ZNF652: variants seen among roughly 807,000 people sequenced by gnomAD.
ZNF652 encodes zinc finger protein 652.
A neutral mutation model predicts 45.2 loss-of-function variants in ZNF652; 16 were observed. The ratio of observed to expected loss-of-function variants is 0.35; its 90% CI spans 0.24 to 0.54. ZNF652 has a LOEUF of 0.54. Among genes scored for constraint, ZNF652 ranks in the 20% least tolerant of loss-of-function variants. The pLI is 0.91. For synonymous variants in ZNF652, 250 were observed against 260.6 expected, an observed-to-expected ratio of 0.96 and a Z score of 0.39; for missense variants, 614 against 765.6, an observed-to-expected ratio of 0.80 and a Z score of 2.34.
At position 49,317,609 on chromosome 17, in the gene ZNF652, A is replaced by G. The variant is rs755222886; in HGVS notation, c.117T>C (p.Gly39=). The G allele has an allele frequency of 6.2e-7, 1 of 1,614,092 alleles. No individual in the cohort carries two copies. Among genetic ancestry groups the G allele is most frequent in the Admixed American group, 1.7e-5 (1 of 60,008 alleles). ...TGGACAGGTCAAGTTCTTGGTTGGCACCATGATAAAAGGAAGATGGCACTT... is the reference window on the plus strand; with the variant it reads ...TGGACAGGTCAAGTTCTTGGTTGGCGCCATGATAAAAGGAAGATGGCACTT... ...RGQVPSSFYH[G]ANQELDLSTK... The change falls in exon 2 of 6, where the codon GGT becomes GGC. Residue 39 remains glycine (G), a synonymous_variant. Transcript: ENST00000430262.
chr17:49,311,201 T>A, intron 5 of ZNF652, 111 bp downstream of exon 5: 1 of 1,195,284 alleles, frequency 8.4e-7, no homozygotes, highest in Non-Finnish European at 1.2e-6. Flanking sequence ...AAAGTGGGAT[T>A]TTTGCTTTGA....
chr17:49,339,088 G>C (rs1220438387), intron 1 of ZNF652, among the ~76,000 whole-genome samples: 1 of 152,108 alleles, frequency 6.6e-6, no homozygotes, highest in Non-Finnish European at 1.5e-5. Context: ...CTAGCTGTGG[G>C]TGATACTTAA....
At chr17:49,304,958 T>C (rs974336877) in intron 5 of ZNF652, among the ~76,000 whole-genome samples, 7 of 152,064 alleles carry the variant, frequency 4.6e-5, no homozygotes, top group African/African-American at 7.2e-5. Flanking sequence ...CTGAAATCTT[T>C]CTTGAACTTT....
At chr17:49,355,860 T>C (rs61286260) in intron 1 of ZNF652, among the ~76,000 whole-genome samples, 16,310 of 151,928 alleles carry the variant, frequency 0.11, 1,199 homozygotes, top group African/African-American at 0.2. Context: ...ATTGCACCAT[T>C]TGTACTGAAG....
intron 1 of ZNF652, among the ~76,000 whole-genome samples, chr17:49,347,920 T>A (rs1015995957): frequency 6.6e-6 from 1 of 151,822 alleles, no homozygotes; most frequent in African/African-American, 2.4e-5. Flanking sequence ...AAGTTTTGTA[T>A]TTTTTGTAGA....
intron 5 of ZNF652, among the ~76,000 whole-genome samples, 167 bp from the exon 6 acceptor site, chr17:49,299,091 C>T (rs1235097289): frequency 1.3e-5 from 2 of 151,896 alleles, no homozygotes; most frequent in Non-Finnish European, 2.9e-5. Flanking sequence ...GCTGCGATTA[C>T]AGGTGTGAGC....
intron 1 of ZNF652, among the ~76,000 whole-genome samples, chr17:49,323,104 G>A (rs979413067): frequency 6.6e-6 from 1 of 152,188 alleles, no homozygotes; most frequent in Non-Finnish European, 1.5e-5. Flanking sequence ...AGATTTCTCT[G>A]TAGGATGTGA....
intron 1 of ZNF652, among the ~76,000 whole-genome samples, chr17:49,357,946 C>A (rs2070354830): frequency 6.6e-6 from 1 of 152,178 alleles, no homozygotes; most frequent in East Asian, 1.9e-4. Flanking sequence ...CCCAAATCTG[C>A]ACAAATGAAA....
chr17:49,301,183 C>T (rs1225313171), intron 5 of ZNF652, among the ~76,000 whole-genome samples: 1 of 152,172 alleles, frequency 6.6e-6, no homozygotes, highest in African/African-American at 2.4e-5. Flanking sequence ...ACTGACATCC[C>T]CTATGGCCTC....
chr17:49,310,934 G>GA (rs2069702350), intron 5 of ZNF652, among the ~76,000 whole-genome samples: 1 of 151,978 alleles, frequency 6.6e-6, no homozygotes, highest in African/African-American at 2.4e-5. Flanking sequence ...CAGAGAGAGA[G>GA]GGGTATTCTA....
chr17:49,333,510 C>T (rs1482052531), intron 1 of ZNF652, among the ~76,000 whole-genome samples: 2 of 135,468 alleles, frequency 1.5e-5, no homozygotes, highest in African/African-American at 2.7e-5. Flanking sequence ...GAGATCGAGA[C>T]CATCCTGGCT....
At chr17:49,331,113 G>A (rs12937923) in intron 1 of ZNF652, among the ~76,000 whole-genome samples, 91,543 of 139,600 alleles carry the variant, frequency 0.66, 30,345 homozygotes, top group Non-Finnish European at 0.7. Flanking sequence ...AAGGGCTTAT[G>A]AATGTGTCTT....
chr17:49,344,690 T>G (rs1208972855), intron 1 of ZNF652, among the ~76,000 whole-genome samples: 2 of 151,792 alleles, frequency 1.3e-5, no homozygotes, highest in East Asian at 3.9e-4. Flanking sequence ...CTGGCTGATG[T>G]TTTGTATTTT....
intron 1 of ZNF652, among the ~76,000 whole-genome samples, chr17:49,350,687 T>C (rs2070261403): frequency 6.6e-6 from 1 of 151,344 alleles, no homozygotes; most frequent in Non-Finnish European, 1.5e-5. Flanking sequence ...TTTTAAAAAA[T>C]GGCTGGGTGC....
intron 1 of ZNF652, among the ~76,000 whole-genome samples, chr17:49,343,734 G>A (rs1362764485): frequency 1.3e-5 from 2 of 151,488 alleles, no homozygotes; most frequent in African/African-American, 4.9e-5. Context: ...CGAGCAGGCT[G>A]CCCAGAGCCC....
intron 1 of ZNF652, among the ~76,000 whole-genome samples, chr17:49,336,905 C>G (rs146934011): frequency 6.7e-6 from 1 of 149,028 alleles, no homozygotes; most frequent in Admixed American, 6.7e-5. Flanking sequence ...TAGGCATGAG[C>G]GACCACACCC....
intron 1 of ZNF652, among the ~76,000 whole-genome samples, chr17:49,352,481 T>C (rs2070292910): frequency 6.6e-6 from 1 of 152,210 alleles, no homozygotes; most frequent in African/African-American, 2.4e-5. Flanking sequence ...AATGAAGTAT[T>C]CCTACATAAA....
chr17:49,357,685 C>A (rs187581414), intron 1 of ZNF652, among the ~76,000 whole-genome samples: 9 of 152,302 alleles, frequency 5.9e-5, no homozygotes, highest in South Asian at 4.1e-4. Context: ...CAAGGCTTTG[C>A]ACGTGATTCA....
At chr17:49,335,869 G>A (rs1240443242) in intron 1 of ZNF652, among the ~76,000 whole-genome samples, 1 of 152,124 alleles carries the variant, frequency 6.6e-6, no homozygotes, top group Admixed American at 6.5e-5. Flanking sequence ...CACTTTCTTA[G>A]GGTAGACAGA....
Sources: allele counts gnomAD v4.1 joint callset (sites outside exome capture counted in the v4.1 genomes callset), GRCh38; gene constraint gnomAD v4.1.1; transcripts MANE v1.5; gene names NCBI Gene and HGNC (gene_info 2026-07-23, HGNC 2026-07-21).